LARGE1: variants seen among roughly 807,000 people sequenced by gnomAD.
LARGE1 encodes xylosyl- and glucuronyltransferase LARGE1.
In LARGE1, 43 loss-of-function variants were observed where a neutral mutation model predicts 87.6. The observed-to-expected ratio is 0.49, with a 90% CI of 0.38 to 0.63. The LOEUF is 0.63. Among genes scored for constraint, LARGE1 ranks in the 30% least tolerant of loss-of-function variants. The pLI is 0.00. For missense variants in LARGE1, 802 were observed against 1,000.2 expected, an observed-to-expected ratio of 0.80 and a Z score of 2.67; for synonymous variants, 434 against 394.6, an observed-to-expected ratio of 1.10 and a Z score of -1.18.
At chr22:33,552,624 G>A (rs1332458195) in intron 6 of LARGE1, among the ~76,000 whole-genome samples, 1 of 151,936 alleles carries the variant, frequency 6.6e-6, no homozygotes, top group Non-Finnish European at 1.5e-5. Flanking sequence ...CTTCTCCCCT[G>A]TACAACTCAA....
In LARGE1 at chr22:33,305,419, C is replaced by T. The variant is rs16992106; in HGVS notation, c.1452-912G>A. 1,312 of 175,812 alleles carry T rather than the reference C, an allele frequency of 7.5e-3. 12 individuals carry two copies. The highest frequency in any genetic ancestry group is 0.03 in the African/African-American group (1,233 of 40,670). 10.9% of individuals were successfully genotyped at this position (175,812 alleles called of 1,614,324 possible). Reference sequence around the variant, plus strand: ...TGCAACAGAGAGGGTTCTGCAAAGACGTCTGAAGATAAATCTATAAAGATA... The same window carrying T: ...TGCAACAGAGAGGGTTCTGCAAAGATGTCTGAAGATAAATCTATAAAGATA... On this transcript the variant is annotated intron_variant, in intron 11 of 14. Transcript: ENST00000397394.
chr22:33,427,395 G>A (rs959297085), intron 7 of LARGE1, among the ~76,000 whole-genome samples: 1 of 152,186 alleles, frequency 6.6e-6, no homozygotes, highest in Non-Finnish European at 1.5e-5. Flanking sequence ...GAGATGAATG[G>A]GAGATGGTGG....
At chr22:33,571,938 C>G (rs1308728262) in intron 5 of LARGE1, among the ~76,000 whole-genome samples, 1 of 152,178 alleles carries the variant, frequency 6.6e-6, no homozygotes, top group Admixed American at 6.5e-5. Flanking sequence ...TTTTCATTCT[C>G]CAAGCAGTTT....
intron 12 of LARGE1, among the ~76,000 whole-genome samples, chr22:33,285,134 A>G (rs1241248491): frequency 6.6e-6 from 1 of 152,120 alleles, no homozygotes; most frequent in East Asian, 1.9e-4. Flanking sequence ...TGGCTTGGAT[A>G]TTCTGTGATC....
chr22:33,889,964 C>T (rs2064961798), intron 1 of LARGE1, among the ~76,000 whole-genome samples: 1 of 152,184 alleles, frequency 6.6e-6, no homozygotes, highest in Non-Finnish European at 1.5e-5. Context: ...AACCACCAGC[C>T]ATGTCAGTGC....
chr22:33,545,472 C>G (rs1032494715), intron 6 of LARGE1, among the ~76,000 whole-genome samples: 1 of 149,528 alleles, frequency 6.7e-6, no homozygotes, highest in Admixed American at 6.7e-5. Flanking sequence ...GTTGGAGTCT[C>G]GCTCTGTTGC....
At chr22:33,383,484 C>G (rs1185995270) in intron 8 of LARGE1, among the ~76,000 whole-genome samples, 3 of 152,026 alleles carry the variant, frequency 2.0e-5, no homozygotes, top group Non-Finnish European at 4.4e-5. Context: ...TGCTTGAACC[C>G]AGGAGGCGGA....
intron 5 of LARGE1, among the ~76,000 whole-genome samples, chr22:33,576,662 T>A (rs534289867): frequency 2.6e-4 from 40 of 152,280 alleles, no homozygotes; most frequent in Admixed American, 2.6e-3. Context: ...TGTGTATACA[T>A]ACCCTCTCTA....
intron 6 of LARGE1, among the ~76,000 whole-genome samples, chr22:33,470,292 A>C (rs2068777193): frequency 6.6e-6 from 1 of 152,166 alleles, no homozygotes; most frequent in South Asian, 2.1e-4. Flanking sequence ...CTGAAACCAA[A>C]ATAAAAGTTA....
chr22:33,698,567 C>T (rs1370114496), intron 2 of LARGE1, among the ~76,000 whole-genome samples: 2 of 152,226 alleles, frequency 1.3e-5, no homozygotes, highest in Non-Finnish European at 2.9e-5. Context: ...GCCTTAGCCT[C>T]CCAAAGGGAT....
At chr22:33,742,850 A>G (rs1272878601) in intron 2 of LARGE1, among the ~76,000 whole-genome samples, 1 of 151,982 alleles carries the variant, frequency 6.6e-6, no homozygotes, top group Non-Finnish European at 1.5e-5. Flanking sequence ...ATTGGATGTC[A>G]CTGGTTCAAG....
At chr22:33,646,665 C>T (rs890563154) in intron 3 of LARGE1, among the ~76,000 whole-genome samples, 13 of 151,952 alleles carry the variant, frequency 8.6e-5, no homozygotes, top group Admixed American at 5.2e-4. Context: ...TCAAGGAACA[C>T]AGGGATAAAG....
At chr22:33,313,645 G>A (rs1935844169) in intron 11 of LARGE1, among the ~76,000 whole-genome samples, 1 of 152,196 alleles carries the variant, frequency 6.6e-6, no homozygotes, top group Non-Finnish European at 1.5e-5. Flanking sequence ...GGGCTGCATG[G>A]CTAGGAACTG....
At chr22:33,188,137 G>T (rs1368984189) in intron 11 of LARGE1, among the ~76,000 whole-genome samples, 7 of 151,560 alleles carry the variant, frequency 4.6e-5, no homozygotes. Context: ...TTCCAAAAAA[G>T]AAAATGTTTT....
chr22:33,329,107 C>T (rs1241352839), intron 10 of LARGE1, among the ~76,000 whole-genome samples: 1 of 152,028 alleles, frequency 6.6e-6, no homozygotes, highest in Non-Finnish European at 1.5e-5. Flanking sequence ...GTAGGGATAC[C>T]CAGCAGGCTT....
chr22:33,327,377 C>T (rs996694105), intron 10 of LARGE1, among the ~76,000 whole-genome samples: 3 of 152,080 alleles, frequency 2.0e-5, no homozygotes, highest in Non-Finnish European at 2.9e-5. Context: ...GTTGAGAGAG[C>T]GGGTATCCAA....
intron 2 of LARGE1, among the ~76,000 whole-genome samples, chr22:33,741,925 C>T (rs753262279): frequency 1.3e-5 from 2 of 152,172 alleles, no homozygotes; most frequent in Admixed American, 6.5e-5. Flanking sequence ...GGCTGAGGGT[C>T]CCAGCAGAAC....
chr22:33,805,919 T>G lies in LARGE1; in HGVS notation c.-82-44361A>C, dbSNP rs189797705. Among the ~76,000 whole-genome samples, 368 of 152,308 alleles carry G rather than the reference T, an allele frequency of 2.4e-3. 2 individuals carry two copies. The highest frequency in any genetic ancestry group is 8.3e-3 in the African/African-American group (347 of 41,572). On this transcript the variant is annotated intron_variant, in intron 1 of 14. Transcript: ENST00000397394. The stretch of plus-strand genomic sequence containing the variant: ...CCCTTGCTACATTTTATGATTATTA[T>G]TTTTTGAAATTTATTAAGCTGACAT...
chr22:33,898,447 T>A (rs1238799421), intron 1 of LARGE1, among the ~76,000 whole-genome samples: 1 of 152,160 alleles, frequency 6.6e-6, no homozygotes, highest in Non-Finnish European at 1.5e-5. Flanking sequence ...TTCCACAAGA[T>A]CATTACAAGA....
Sources: allele counts gnomAD v4.1 joint callset (sites outside exome capture counted in the v4.1 genomes callset), GRCh38; gene constraint gnomAD v4.1.1; transcripts MANE v1.5; gene names NCBI Gene and HGNC (gene_info 2026-07-23, HGNC 2026-07-21).